ADGRF1: variants seen among roughly 807,000 people sequenced by gnomAD.
The protein encoded by ADGRF1 is adhesion G protein-coupled receptor F1.
ADGRF1 carries 85 observed loss-of-function variants against 87.2 expected under a neutral mutation model. The observed-to-expected ratio is 0.97, with a 90% confidence interval of 0.82 to 1.17. ADGRF1 has a LOEUF of 1.17. ADGRF1 is among the 50% of genes most tolerant of loss of function. The pLI is 0.00. For synonymous variants in ADGRF1, 430 were observed against 408.8 expected (o/e 1.05, Z -0.63); for missense variants, 1,169 against 1,077.2 (o/e 1.09, Z -1.19).
chr6:47,026,285 A>T (rs1348475500), intron 3 of ADGRF1, among the ~76,000 whole-genome samples: 3 of 152,046 alleles, frequency 2.0e-5, no homozygotes, highest in Non-Finnish European at 4.4e-5. Flanking sequence ...CCAATGTTAT[A>T]CACTTCCTCA....
intron 1 of ADGRF1, among the ~76,000 whole-genome samples, chr6:47,039,475 TGAG>T (rs1327549240): frequency 1.3e-5 from 2 of 152,158 alleles, no homozygotes. Context: ...GGAGCCTCTA[TGAG>T]ATTATCTGTG....
At position 47,010,305 on chromosome 6, in the gene ADGRF1, A is replaced by G. The variant is rs1377172434; in HGVS notation, c.1130T>C (p.Ile377Thr). 1 of 1,601,352 alleles carries G rather than the reference A, an allele frequency of 6.2e-7. No individual in the cohort carries two copies. The highest frequency in any genetic ancestry group is 8.5e-7 in the Non-Finnish European group (1 of 1,173,302). The change falls in exon 11 of 15, where the codon ATA (isoleucine) becomes ACA (threonine). Residue 377 changes from isoleucine (I) to threonine (T), a missense_variant. Transcript: ENST00000371253. ...GGCTGAATTAAGGATATTGTCAGCT[A>G]TACTGATGACATCCTGAAACACAAG... ...SNSTMEDVISIADNILNSASV... is the reference protein window; with the variant it reads ...SNSTMEDVISTADNILNSASV...
rs888601282 is a variant in ADGRF1, at chr6:47,024,125, G to A, written c.370C>T (p.Leu124Phe). 1.2e-6 allele frequency: 2 copies of A among 1,614,088 alleles called. No individual in the cohort carries two copies. Among genetic ancestry groups the A allele is most frequent in the Non-Finnish European group, 1.7e-6 (2 of 1,179,940 alleles). ...PSCLDPQNCY[L>F]HTAGALPSCE... ...CTTGGGAGTGCTCCAGCCGTGTGAAGGTAGCAGTTCTGGGGATCAAGGCAT... is the reference window on the plus strand; with the variant it reads ...CTTGGGAGTGCTCCAGCCGTGTGAAAGTAGCAGTTCTGGGGATCAAGGCAT... The change falls in exon 5 of 15, where the codon CTT becomes TTT. Residue 124 changes from leucine (L) to phenylalanine (F), a missense_variant. Coordinates refer to ENST00000371253, the MANE Select transcript of ADGRF1 (RefSeq NM_153840.4).
rs1332956310 is a variant in ADGRF1, at chr6:47,016,606, T to G, written c.763+11A>C. ...TCTTAACCTAAGCAGAGGATGGGAA[T>G]CCAGCATTACCTTTTCCGAACACTC... On this transcript the variant is annotated intron_variant, in intron 8 of 14. Transcript: ENST00000371253. 6.3e-7 allele frequency: 1 copy of G among 1,586,988 alleles called. No homozygotes were observed. The highest frequency in any genetic ancestry group is 2.3e-5 in the East Asian group (1 of 44,214).
At chr6:47,012,752 C>T (rs1054005993) in intron 9 of ADGRF1, 10 of 985,242 alleles carry the variant, frequency 1.0e-5, no homozygotes, top group African/African-American at 3.5e-5. Flanking sequence ...TGCCAGCCCC[C>T]GTTTTGTCAC....
At chr6:47,005,763 G>T (rs779905097) in intron 13 of ADGRF1, 54 bp downstream of exon 13, 2 of 1,321,768 alleles carry the variant, frequency 1.5e-6, no homozygotes, top group South Asian at 1.2e-5. Context: ...ATAAAGAGAA[G>T]AATGCAAAAC....
chr6:47,006,212 A>T (rs944161467), intron 12 of ADGRF1, among the ~76,000 whole-genome samples: 18 of 152,158 alleles, frequency 1.2e-4, no homozygotes, highest in Non-Finnish European at 2.1e-4. Flanking sequence ...TTTTAGTACA[A>T]TTAAGAACAG....
intron 13 of ADGRF1, among the ~76,000 whole-genome samples, chr6:47,003,640 T>G (rs1002251661): frequency 6.6e-6 from 1 of 152,184 alleles, no homozygotes; most frequent in Non-Finnish European, 1.5e-5. Context: ...AATGAGAAAA[T>G]CTTTGAATCC....
chr6:47,029,869 A>G (rs1477106110), intron 1 of ADGRF1, among the ~76,000 whole-genome samples: 1 of 152,250 alleles, frequency 6.6e-6, no homozygotes, highest in Non-Finnish European at 1.5e-5. Context: ...CATATTGGGT[A>G]GCTCAACACA....
At chr6:47,021,580 C>T (rs1274021287) in intron 6 of ADGRF1, among the ~76,000 whole-genome samples, 1 of 152,166 alleles carries the variant, frequency 6.6e-6, no homozygotes, top group South Asian at 2.1e-4. Flanking sequence ...AGGCTGGTCT[C>T]GAACTCCTGA....
chr6:47,036,788 A>G (rs1172386565), intron 1 of ADGRF1, among the ~76,000 whole-genome samples: 1 of 152,240 alleles, frequency 6.6e-6, no homozygotes, highest in Non-Finnish European at 1.5e-5. Context: ...TGATTCTTCT[A>G]GAAATAGAAC....
At chr6:47,014,160 G>T (rs904133402) in intron 9 of ADGRF1, 1 of 646,114 alleles carries the variant, frequency 1.5e-6, no homozygotes, top group Non-Finnish European at 1.9e-6. Context: ...TGGCCCCTTG[G>T]TCTTTTGTTT....
Position 47,009,502 on chromosome 6 carries a change from C to A in ADGRF1, c.1933G>T (p.Ala645Ser). The A allele has an allele frequency of 3.1e-6, 5 of 1,613,976 alleles. No homozygotes were observed. The highest frequency in any genetic ancestry group is 4.2e-6 in the Non-Finnish European group (5 of 1,179,944). The change falls in exon 11 of 15, where the codon GCC becomes TCC. Residue 645 changes from alanine (A) to serine (S), a missense_variant. Ala to Ser is a moderately conservative substitution (Grantham distance 99). Transcript: ENST00000371253. The stretch of plus-strand genomic sequence containing the variant: ...GGGTTCACCGTGGTGTCCACTGTGG[C>A]ACCAACAATAAACCAGACATCAGCA... ...LIADVWFIVG[A>S]TVDTTVNPSG...
At chr6:47,021,503 G>A (rs1201904866) in intron 6 of ADGRF1, among the ~76,000 whole-genome samples, 1 of 152,040 alleles carries the variant, frequency 6.6e-6, no homozygotes, top group Admixed American at 6.6e-5. Context: ...GGGATTACAG[G>A]TGTATGTCAC....
At chr6:47,007,384 C>T (rs1268144816) in intron 11 of ADGRF1, 90 bp from the exon 12 acceptor site, 13 of 737,178 alleles carry the variant, frequency 1.8e-5, no homozygotes, top group Non-Finnish European at 2.3e-5. Context: ...AATCACCCCA[C>T]ATTGAAACTG....
intron 6 of ADGRF1, among the ~76,000 whole-genome samples, chr6:47,021,730 G>GGT (rs1780058611): frequency 1.3e-5 from 2 of 152,244 alleles, no homozygotes; most frequent in East Asian, 3.9e-4. Flanking sequence ...GCTAAAATAA[G>GGT]TGAGCAAAAC....
intron 7 of ADGRF1, chr6:47,017,497 TAGAACTTACTAATGG>T (rs1779918410): frequency 6.6e-6 from 1 of 152,100 alleles, no homozygotes; most frequent in South Asian, 2.1e-4. Context: ...GCCAGAGCCA[TAGAACTTACTAATGG>T]AGAAGATTTG....
At chr6:47,040,605 A>G (rs1250713092) in intron 1 of ADGRF1, among the ~76,000 whole-genome samples, 1 of 152,184 alleles carries the variant, frequency 6.6e-6, no homozygotes, top group Non-Finnish European at 1.5e-5. Context: ...ATTCAGTGAC[A>G]CTTGTCCCGG....
At chr6:47,023,303 A>G (rs1780122817) in intron 5 of ADGRF1, among the ~76,000 whole-genome samples, 1 of 152,214 alleles carries the variant, frequency 6.6e-6, no homozygotes, top group South Asian at 2.1e-4. Flanking sequence ...GTGTTGCCAT[A>G]ACCTGAATTG....
Sources: allele counts gnomAD v4.1 joint callset (sites outside exome capture counted in the v4.1 genomes callset), GRCh38; gene constraint gnomAD v4.1.1; transcripts MANE v1.5; gene names NCBI Gene and HGNC (gene_info 2026-07-23, HGNC 2026-07-21).